Variants in STMN3 observed in about 807,000 individuals in gnomAD.
STMN3 encodes stathmin-3.
In STMN3, 24 loss-of-function variants were observed where a neutral mutation model predicts 23.2. That is an observed-to-expected ratio of 1.03 (90% CI 0.75 to 1.45). STMN3 has a LOEUF of 1.45. Among genes scored for constraint, STMN3 ranks in the 40% most tolerant of loss-of-function variants. The pLI is 0.00. For synonymous variants in STMN3, 117 were observed against 103.4 expected, an observed-to-expected ratio of 1.13 and a Z score of -0.80; for missense variants, 235 against 237.6, an observed-to-expected ratio of 0.99 and a Z score of 0.07.
chr20:63,644,230 G>T lies in STMN3; in HGVS notation c.99C>A (p.Thr33=). The T allele has an allele frequency of 6.2e-7, 1 of 1,612,912 alleles. No individual in the cohort carries two copies. Among genetic ancestry groups the T allele is most frequent in the Non-Finnish European group, 8.5e-7 (1 of 1,179,196 alleles). The change falls in exon 2 of 5, where the codon ACC becomes ACA. Residue 33 remains threonine (T), a synonymous_variant. Transcript: ENST00000370053. ...GGCACTCACCCCCGTACTGGTAGACGGTATTGGGGTGCGGCTGTGTGTAGA... is the reference window on the plus strand; with the variant it reads ...GGCACTCACCCCCGTACTGGTAGACTGTATTGGGGTGCGGCTGTGTGTAGA... ...SCFYTQPHPN[T]VYQYGDMEVK...
rs1449779870 is a variant in STMN3, at chr20:63,647,968, A to G, written c.20-3659T>C. 7.2e-3 allele frequency among the ~76,000 whole-genome samples: 617 copies of G among 85,530 alleles called. 107 individuals are homozygous for G. Among genetic ancestry groups the G allele is most frequent in the Non-Finnish European group, 0.011 (465 of 44,134 alleles). The allele number at this position is 85,530 out of a possible 152,430, so 56.1% of individuals were successfully genotyped here. On this transcript the variant is annotated intron_variant, in intron 1 of 4. Transcript: ENST00000370053. Reference sequence around the variant, plus strand: ...TGTGTGTATATATATATGTATATATATATATATATATACATATATATATAC... The same window carrying G: ...TGTGTGTATATATATATGTATATATGTATATATATATACATATATATATAC...
Position 63,642,282 on chromosome 20 carries a change from C to A in STMN3, c.309G>T (p.Val103=). 1 of 1,535,594 alleles carries A rather than the reference C, an allele frequency of 6.5e-7. No individual in the cohort carries two copies. The highest frequency in any genetic ancestry group is 8.8e-7 in the Non-Finnish European group (1 of 1,142,032). Residue 103 remains valine, a synonymous_variant, in exon 4 of 5, where the codon GTG becomes GTT. Transcript: ENST00000370053. The part of the protein sequence containing the change: ...EERRKTQEAQ[V]LKQLAERREH... The stretch of plus-strand genomic sequence containing the variant: ...CGCGCCGCTCCGCCAGCTGCTTCAG[C>A]ACCTGCGCCTCCTGCGTCTGTGCGG...
chr20:63,642,228 C>G lies in STMN3; in HGVS notation c.363G>C (p.Ala121=), dbSNP rs1162907484. The part of the protein sequence containing the change: ...REHEREVLHK[A]LEENNNFSRQ... Reference sequence around the variant, plus strand: ...GGCTGAAGTTGTTATTCTCCTCCAGCGCCTTGTGCAGCACCTCGCGCTCGT... The same window carrying G: ...GGCTGAAGTTGTTATTCTCCTCCAGGGCCTTGTGCAGCACCTCGCGCTCGT... Residue 121 remains alanine, a synonymous_variant, in exon 4 of 5, where the codon GCG becomes GCC. Coordinates refer to ENST00000370053, the MANE Select transcript of STMN3 (RefSeq NM_015894.4). 3 of 1,562,246 alleles carry G rather than the reference C, an allele frequency of 1.9e-6. No homozygotes were observed. Among genetic ancestry groups the G allele is most frequent in the Middle Eastern group, 3.4e-4 (2 of 5,848 alleles).
intron 3 of STMN3, among the ~76,000 whole-genome samples, chr20:63,643,139 ACGTC>A (rs1394729098): frequency 6.6e-6 from 1 of 151,780 alleles, no homozygotes; most frequent in African/African-American, 2.4e-5. Flanking sequence ...GCCCCACCCG[ACGTC>A]CCCAGGGCCC....
chr20:63,649,520 C>T (rs2089841147), intron 1 of STMN3, among the ~76,000 whole-genome samples: 1 of 151,638 alleles, frequency 6.6e-6, no homozygotes, highest in Non-Finnish European at 1.5e-5. Context: ...AGGCATTGCT[C>T]CCTCTCTCTC....
At chr20:63,644,126 G>C (rs1163944858) in intron 2 of STMN3, 88 bp downstream of exon 2, 1 of 1,389,368 alleles carries the variant, frequency 7.2e-7, no homozygotes, top group Non-Finnish European at 1.0e-6. Flanking sequence ...CAGCCAGGAC[G>C]GGAGTTCAGA....
intron 3 of STMN3, among the ~76,000 whole-genome samples, chr20:63,643,153 C>T (rs2089782255): frequency 6.6e-6 from 1 of 152,136 alleles, no homozygotes; most frequent in Non-Finnish European, 1.5e-5. Flanking sequence ...CCCCAGGGCC[C>T]ATCTGGGGAC....
chr20:63,653,212 G>C (rs1222156199), intron 1 of STMN3, 115 bp downstream of exon 1: 3 of 1,348,388 alleles, frequency 2.2e-6, no homozygotes, highest in African/African-American at 3.1e-5. Flanking sequence ...CTTGCAACGC[G>C]CAGGGTAGGA....
At chr20:63,641,901 G>A (rs1349009626) in intron 4 of STMN3, among the ~76,000 whole-genome samples, 2 of 71,880 alleles carry the variant, frequency 2.8e-5, no homozygotes, top group Non-Finnish European at 5.6e-5. Context: ...CCCCGCCCCG[G>A]CCCCTGCCCG....
Position 63,652,497 on chromosome 20 carries a change from C to T in STMN3, c.19+830G>A. ...CAGCTCCCCTGCGTCCAGAATCCGC[C>T]CCCCGCCCGGGCCTGCGCCCGCCCC... On this transcript the variant is annotated intron_variant, in intron 1 of 4. Transcript: ENST00000370053. The surrounding 1 kb of genome is among the most constrained non-coding windows in gnomAD (Gnocchi z 5.3). The T allele has an allele frequency of 4.5e-6, 4 of 898,648 alleles. No individual in the cohort carries two copies. Among genetic ancestry groups the T allele is most frequent in the Non-Finnish European group, 5.3e-6 (4 of 750,720 alleles). 55.7% of individuals were successfully genotyped at this position (898,648 alleles called of 1,614,324 possible). A position where few individuals can be genotyped will look rare whatever the true frequency, so the allele number is the denominator to read the frequency against.
At chr20:63,643,252 C>T (rs769229304) in intron 3 of STMN3, among the ~76,000 whole-genome samples, 4 of 152,170 alleles carry the variant, frequency 2.6e-5, no homozygotes, top group Non-Finnish European at 5.9e-5. Context: ...CCTCGGAACC[C>T]TTCCTCCTCT....
intron 1 of STMN3, among the ~76,000 whole-genome samples, chr20:63,650,182 T>C (rs2089846761): frequency 6.9e-6 from 1 of 145,326 alleles, no homozygotes; most frequent in Admixed American, 6.9e-5. Context: ...CCTCCCTCTC[T>C]TTGACTCCCT....
chr20:63,647,991 T>TACATAC (rs1555897557), intron 1 of STMN3, among the ~76,000 whole-genome samples: 4 of 75,890 alleles, frequency 5.3e-5, no homozygotes, highest in Non-Finnish European at 8.1e-5. Flanking sequence ...CATATATATA[T>TACATAC]ACAGAGAGAG....
Position 63,644,427 on chromosome 20 carries a change from C to T in STMN3, c.20-118G>A, listed in dbSNP as rs545972612. 4.4e-5 allele frequency: 33 copies of T among 747,216 alleles called. 1 individual carries two copies. The highest frequency in any genetic ancestry group is 1.0e-4 in the African/African-American group (6 of 57,640). 46.3% of individuals were successfully genotyped at this position (747,216 alleles called of 1,614,324 possible). A position where few individuals can be genotyped will look rare whatever the true frequency, so the allele number is the denominator to read the frequency against. ...CTGTGAGACACGGAGCTGCCCAGCA[C>T]GCTCTCTTGTGTGTCTCCACACCGC... On this transcript the variant is annotated intron_variant, in intron 1 of 4. Coordinates refer to ENST00000370053, the MANE Select transcript of STMN3 (RefSeq NM_015894.4).
At chr20:63,643,560 C>A (rs1298744224) in intron 3 of STMN3, 196 bp downstream of exon 3, 1 of 876,752 alleles carries the variant, frequency 1.1e-6, no homozygotes, top group Non-Finnish European at 1.4e-6. Context: ...GGATTACAGG[C>A]GTGAGCCACC....
In STMN3 at chr20:63,652,031, C is replaced by CGG. The variant is rs2089863380; in HGVS notation, c.19+1294_19+1295dup. On this transcript the variant is annotated intron_variant, in intron 1 of 4. Transcript: ENST00000370053. This position sits in a 1 kb window ranked among gnomAD's most constrained non-coding sequence, Gnocchi z 5.3. ...AGAGCCCCCCCACCCCCAGTATCCC[C>CGG]GGGGGTGTCCAGGAGGAGGCGGAGG... 6.6e-6 allele frequency: 1 copy of CGG among 152,564 alleles called. No homozygotes were observed. 9.5% of individuals were successfully genotyped at this position (152,564 alleles called of 1,614,324 possible). A position where few individuals can be genotyped will look rare whatever the true frequency, so the allele number is the denominator to read the frequency against.
At chr20:63,653,149 CCACCAGCCCCGCCGGCGCCGCAGA>C (rs1380044881) in intron 1 of STMN3, among the ~76,000 whole-genome samples, 154 bp downstream of exon 1, 1 of 151,414 alleles carries the variant, frequency 6.6e-6, no homozygotes, top group Non-Finnish European at 1.5e-5. Flanking sequence ...GCCCAGCGCC[CCACCAGCCCCGCCGGCGCCGCAGA>C]CCCCAGCCTC....
chr20:63,645,511 C>T (rs1360343278), intron 1 of STMN3, among the ~76,000 whole-genome samples: 3 of 152,206 alleles, frequency 2.0e-5, no homozygotes, highest in African/African-American at 7.2e-5. Context: ...AAACCAGAAG[C>T]AAGCCGGGCT....
At chr20:63,650,323 A>C (rs1432966717) in intron 1 of STMN3, among the ~76,000 whole-genome samples, 1 of 152,202 alleles carries the variant, frequency 6.6e-6, no homozygotes, top group Non-Finnish European at 1.5e-5. Flanking sequence ...GATACCGAGG[A>C]AATGCGGATT....
Sources: gnomAD v4.1 joint callset for allele counts (sites outside exome capture counted in the v4.1 genomes callset) on GRCh38, gnomAD v4.1.1 for gene constraint, Gnocchi (gnomAD v3.1) non-coding constraint, MANE v1.5 for transcripts, NCBI Gene and HGNC (gene_info 2026-07-23, HGNC 2026-07-21) for gene names.